The following KCNQ1 variants were observed in gnomAD, a reference collection of about 807,000 sequenced individuals.
KCNQ1 encodes the protein potassium voltage-gated channel subfamily KQT member 1.
KCNQ1 carries 49 observed loss-of-function variants against 72.4 expected under a neutral mutation model. The observed-to-expected ratio is 0.68, with a 90% CI of 0.54 to 0.86. KCNQ1 has a LOEUF of 0.86. Among genes scored for constraint, KCNQ1 ranks in the 40% least tolerant of loss-of-function variants. The pLI, the probability that KCNQ1 is intolerant of heterozygous loss-of-function variation, is 0.00. For synonymous variants in KCNQ1, 450 were observed against 412.6 expected (o/e 1.09, Z -1.10); for missense variants, 790 against 945.1 (o/e 0.84, Z 2.15).
At chr11:2,821,554 C>T (rs1590110556) in intron 15 of KCNQ1, among the ~76,000 whole-genome samples, 1 of 152,142 alleles carries the variant, frequency 6.6e-6, no homozygotes, top group Non-Finnish European at 1.5e-5. Flanking sequence ...GCCCCACTGA[C>T]CCCACACAGT....
chr11:2,582,233 G>A (rs929555608), intron 6 of KCNQ1, among the ~76,000 whole-genome samples: 8 of 152,232 alleles, frequency 5.3e-5, no homozygotes, highest in African/African-American at 9.6e-5. Context: ...CTCTGTCCGC[G>A]TGTGCGCCTG....
Position 2,776,297 on chromosome 11 carries a change from G to A in KCNQ1, c.1685+243G>A, listed in dbSNP as rs149923230. Among the ~76,000 whole-genome samples, 132 of 152,270 alleles carry A rather than the reference G, an allele frequency of 8.7e-4. 1 individual carries two copies. The East Asian group carries it at 0.021, about 24-fold the overall frequency. Reference sequence around the variant, plus strand: ...CCCGCCCGGATCTGAGATGATGGGGGAATTGGGGTAGGGGAGGCGCGTAGG... The same window carrying A: ...CCCGCCCGGATCTGAGATGATGGGGAAATTGGGGTAGGGGAGGCGCGTAGG... On this transcript the variant is annotated intron_variant, in intron 13 of 15. Coordinates refer to ENST00000155840, the MANE Select transcript of KCNQ1 (RefSeq NM_000218.3).
At chr11:2,545,507 A>G (rs1847891289) in intron 2 of KCNQ1, among the ~76,000 whole-genome samples, 1 of 152,196 alleles carries the variant, frequency 6.6e-6, no homozygotes, top group African/African-American at 2.4e-5. Flanking sequence ...GATAATAATT[A>G]TATTCAGGTA....
Position 2,695,715 on chromosome 11 carries a change from C to G in KCNQ1, c.1514+33634C>G, listed in dbSNP as rs1850664208. On this transcript the variant is annotated intron_variant, in intron 11 of 15. Transcript: ENST00000155840. The surrounding 1 kb of genome is among the most constrained non-coding windows in gnomAD (Gnocchi z 5.2). ...GAACGTCTGTGCCTGTCTCCGTCCC[C>G]ACCTGCAGCACACAGGGAGGCTTGT... The G allele has an allele frequency of 2.5e-6, 1 of 398,546 alleles. No individual in the cohort carries two copies. The highest frequency in any genetic ancestry group is 2.1e-5 in the African/African-American group (1 of 48,634). The allele number at this position is 398,546 out of a possible 1,614,324, so 24.7% of individuals were successfully genotyped here. A position where few individuals can be genotyped will look rare whatever the true frequency, so the allele number is the denominator to read the frequency against.
chr11:2,588,616 G>C lies in KCNQ1; in HGVS notation c.1252-97G>C. 2 of 1,475,028 alleles carry C rather than the reference G, an allele frequency of 1.4e-6. No homozygotes were observed. Among genetic ancestry groups the C allele is most frequent in the Non-Finnish European group, 1.9e-6 (2 of 1,068,326 alleles). The allele number at this position is 1,475,028 out of a possible 1,614,324, so 91.4% of individuals were successfully genotyped here. A position where few individuals can be genotyped will look rare whatever the true frequency, so the allele number is the denominator to read the frequency against. ...CCCTGTCCGGGTGTATGTGGCGGGG[G>C]CTGGGCTCGGGGCGGCTGCACAGGC... On this transcript the variant is annotated intron_variant, in intron 9 of 15. Coordinates refer to ENST00000155840, the MANE Select transcript of KCNQ1 (RefSeq NM_000218.3). This position sits in a 1 kb window ranked among gnomAD's most constrained non-coding sequence, Gnocchi z 5.6.
chr11:2,532,987 G>T (rs975340121), intron 2 of KCNQ1, among the ~76,000 whole-genome samples: 1 of 152,174 alleles, frequency 6.6e-6, no homozygotes, highest in South Asian at 2.1e-4. Context: ...TGCAACTCAG[G>T]AGCTGCTGGC....
chr11:2,519,909 C>T (rs969464721), intron 1 of KCNQ1, among the ~76,000 whole-genome samples: 2 of 152,148 alleles, frequency 1.3e-5, no homozygotes, highest in Non-Finnish European at 2.9e-5. Flanking sequence ...TCCAGTGACA[C>T]GTGTCCTCCT....
chr11:2,531,612 C>T (rs1847634502), intron 2 of KCNQ1, among the ~76,000 whole-genome samples: 1 of 152,196 alleles, frequency 6.6e-6, no homozygotes, highest in Admixed American at 6.5e-5. Context: ...TCAGCAGGAA[C>T]CGGCCCTTTC....
At chr11:2,667,845 G>T in intron 11 of KCNQ1, 1 of 398,618 alleles carries the variant, frequency 2.5e-6, no homozygotes, top group South Asian at 1.3e-4. Flanking sequence ...TTAGTTAAAG[G>T]GTAATGTGCA....
intron 2 of KCNQ1, among the ~76,000 whole-genome samples, chr11:2,539,384 T>C (rs2133674322): frequency 6.6e-6 from 1 of 152,292 alleles, no homozygotes; most frequent in South Asian, 2.1e-4. Flanking sequence ...AGCGCAATCT[T>C]TCCAGAGCAT....
chr11:2,628,391 T>C (rs573782741), intron 10 of KCNQ1: 1 of 398,582 alleles, frequency 2.5e-6, no homozygotes, highest in Non-Finnish European at 4.4e-6. Context: ...TGATAAGTGA[T>C]GTTAAGCACC....
At position 2,657,467 on chromosome 11, in the gene KCNQ1, TTC is replaced by T; in HGVS notation, c.1394-4492_1394-4491del. On this transcript the variant is annotated intron_variant, in intron 10 of 15. Coordinates refer to ENST00000155840, the MANE Select transcript of KCNQ1 (RefSeq NM_000218.3). This position sits in a 1 kb window ranked among gnomAD's most constrained non-coding sequence, Gnocchi z 4.8. ...ATTCTTTTGTGCTATTGTATACAGG[TTC>T]TGTTTTCTCTTGTTACCTCACATTT... is the stretch of plus-strand genomic sequence containing the variant. The T allele has an allele frequency of 5.0e-6, 2 of 398,564 alleles. No homozygotes were observed. 24.7% of individuals were successfully genotyped at this position (398,564 alleles called of 1,614,324 possible).
intron 10 of KCNQ1, chr11:2,650,014 A>T (rs1018993079): frequency 5.0e-6 from 2 of 398,274 alleles, no homozygotes; most frequent in African/African-American, 4.1e-5. Flanking sequence ...TGTCTGGTTT[A>T]TTGCAAAACA....
At chr11:2,844,230 G>A (rs1052097674) in intron 15 of KCNQ1, among the ~76,000 whole-genome samples, 2 of 152,228 alleles carry the variant, frequency 1.3e-5, no homozygotes, top group African/African-American at 2.4e-5. Context: ...TGGGGCTGCC[G>A]AGGAGCCACC....
rs2133598616 is a variant in KCNQ1, at chr11:2,471,932, A to G, written c.386+26448A>G. ...TGCACCTATGTGTGTATAGGCGTGT[A>G]TGTGTGCGCGTGTGTAGGTGTGTGT... On this transcript the variant is annotated intron_variant, in intron 1 of 15. Coordinates refer to ENST00000155840, the MANE Select transcript of KCNQ1 (RefSeq NM_000218.3). This position sits in a 1 kb window ranked among gnomAD's most constrained non-coding sequence, Gnocchi z 4.8. Among the ~76,000 whole-genome samples the G allele has an allele frequency of 7.2e-6, 1 of 139,856 alleles. No individual in the cohort carries two copies. Among genetic ancestry groups the G allele is most frequent in the Admixed American group, 7.1e-5 (1 of 14,104 alleles). The allele number at this position is 139,856 out of a possible 152,430, so 91.8% of individuals were successfully genotyped here.
rs1564826098 is a variant in KCNQ1, at chr11:2,587,707, TGCCACCAGGGCAGG to T, written c.1251+19_1251+32del. 6.2e-7 allele frequency: 1 copy of T among 1,613,498 alleles called. No homozygotes were observed. Among genetic ancestry groups the T allele is most frequent in the South Asian group, 1.1e-5 (1 of 91,084 alleles). On this transcript the variant is annotated intron_variant, in intron 9 of 15. Coordinates refer to ENST00000155840, the MANE Select transcript of KCNQ1 (RefSeq NM_000218.3). ...AGTCTGTGGTGGTGAGTAGCCCACC[TGCCACCAGGGCAGG>T]GCCTTCTTGCTAGCAGGTGGGGAGG...
At chr11:2,503,794 C>G (rs1476416493) in intron 1 of KCNQ1, among the ~76,000 whole-genome samples, 1 of 152,138 alleles carries the variant, frequency 6.6e-6, no homozygotes, top group African/African-American at 2.4e-5. Flanking sequence ...TGACCCCACC[C>G]TGGTCAATAT....
At position 2,670,838 on chromosome 11, in the gene KCNQ1, A is replaced by G. The variant is rs999713470; in HGVS notation, c.1514+8757A>G. ...ATCATAAACCTGGTGCCACCAGCCAAGGAGGTCAAAGGTCCTCACTGGCCA... is the reference window on the plus strand; with the variant it reads ...ATCATAAACCTGGTGCCACCAGCCAGGGAGGTCAAAGGTCCTCACTGGCCA... On this transcript the variant is annotated intron_variant, in intron 11 of 15. Coordinates refer to ENST00000155840, the MANE Select transcript of KCNQ1 (RefSeq NM_000218.3). The surrounding 1 kb of genome is among the most constrained non-coding windows in gnomAD (Gnocchi z 4.9). The G allele has an allele frequency of 7.5e-6, 3 of 398,576 alleles. No homozygotes were observed. 24.7% of individuals were successfully genotyped at this position (398,576 alleles called of 1,614,324 possible).
chr11:2,806,960 T>C (rs1847385762), intron 15 of KCNQ1, among the ~76,000 whole-genome samples: 1 of 151,098 alleles, frequency 6.6e-6, no homozygotes, highest in Non-Finnish European at 1.5e-5. Flanking sequence ...GGTGACAGGT[T>C]GGGCGGGGTC....
Sources: allele counts gnomAD v4.1 joint callset (sites outside exome capture counted in the v4.1 genomes callset), GRCh38; gene constraint gnomAD v4.1.1; non-coding constraint Gnocchi (gnomAD v3.1); transcripts MANE v1.5; gene names NCBI Gene and HGNC (gene_info 2026-07-23, HGNC 2026-07-21).